RIT2: variants seen among roughly 807,000 people sequenced by gnomAD.
RIT2 encodes GTP-binding protein Rit2.
Under a neutral mutation model 23.7 loss-of-function variants are expected in RIT2, and 24 were observed. That is an observed-to-expected ratio of 1.01 (90% CI 0.73 to 1.43). The LOEUF (loss-of-function observed/expected upper bound fraction) is 1.43, where lower values mean the gene tolerates loss of function less well. Among genes scored for constraint, RIT2 ranks in the 40% most tolerant of loss-of-function variants. The pLI, the probability that RIT2 is intolerant of heterozygous loss-of-function variation, is 0.00. For missense variants in RIT2, 236 were observed against 266.9 expected (o/e 0.88, Z 0.81); for synonymous variants, 107 against 91.1 (o/e 1.17, Z -0.99).
At chr18:42,981,636 T>C (rs1222976786) in intron 2 of RIT2, among the ~76,000 whole-genome samples, 1 of 151,532 alleles carries the variant, frequency 6.6e-6, no homozygotes, top group Non-Finnish European at 1.5e-5. Context: ...TCCTGGAAGA[T>C]CAAAATTCCA....
At chr18:42,919,155 T>C (rs1908989865) in intron 4 of RIT2, among the ~76,000 whole-genome samples, 1 of 152,178 alleles carries the variant, frequency 6.6e-6, no homozygotes, top group Non-Finnish European at 1.5e-5. Context: ...AGATGCTTGA[T>C]AGAACTCTAA....
chr18:43,036,859 A>T (rs1487047640), intron 1 of RIT2, among the ~76,000 whole-genome samples: 2 of 152,210 alleles, frequency 1.3e-5, no homozygotes, highest in African/African-American at 4.8e-5. Context: ...ATTTATAAAA[A>T]ACAATTTTTG....
intron 3 of RIT2, among the ~76,000 whole-genome samples, chr18:42,935,846 C>A (rs1404877112): frequency 6.6e-6 from 1 of 151,928 alleles, no homozygotes; most frequent in African/African-American, 2.4e-5. Flanking sequence ...GTTTAAGTGC[C>A]CCATTTTGAG....
At chr18:42,920,910 G>C (rs1320065975) in intron 4 of RIT2, 6 of 572,912 alleles carry the variant, frequency 1.0e-5, no homozygotes, top group African/African-American at 5.7e-5. Flanking sequence ...AACCATCCAG[G>C]TGTCAGCATC....
chr18:43,039,839 C>G (rs559101183), intron 1 of RIT2, among the ~76,000 whole-genome samples: 141 of 152,244 alleles, frequency 9.3e-4, no homozygotes, highest in African/African-American at 3.0e-3. Context: ...ATGGAGCCCA[C>G]AAAATTCTTG....
chr18:43,097,741 C>A (rs1024539175), intron 1 of RIT2, among the ~76,000 whole-genome samples: 1 of 151,934 alleles, frequency 6.6e-6, no homozygotes, highest in African/African-American at 2.4e-5. Flanking sequence ...CTTTTAAAGA[C>A]CTGAAAAGTG....
At chr18:43,047,236 T>C (rs1475995561) in intron 1 of RIT2, among the ~76,000 whole-genome samples, 1 of 152,102 alleles carries the variant, frequency 6.6e-6, no homozygotes, top group Non-Finnish European at 1.5e-5. Context: ...CTTATAATCT[T>C]CCGCTTTTTC....
chr18:43,014,888 G>A (rs528260610), intron 2 of RIT2, among the ~76,000 whole-genome samples: 14 of 151,746 alleles, frequency 9.2e-5, no homozygotes, highest in African/African-American at 3.4e-4. Flanking sequence ...ATATAGCCAT[G>A]TACAATAACA....
intron 4 of RIT2, among the ~76,000 whole-genome samples, chr18:42,907,601 C>T (rs1908655979): frequency 1.3e-5 from 2 of 151,900 alleles, no homozygotes; most frequent in African/African-American, 4.8e-5. Context: ...TCACTGGTAC[C>T]AAAAACCAGA....
intron 3 of RIT2, among the ~76,000 whole-genome samples, chr18:42,924,856 A>C (rs1909142191): frequency 6.6e-6 from 1 of 152,102 alleles, no homozygotes; most frequent in Non-Finnish European, 1.5e-5. Context: ...GGGAGCATTT[A>C]TGTAGATCCA....
intron 4 of RIT2, among the ~76,000 whole-genome samples, chr18:42,903,131 G>C (rs1386811455): frequency 6.6e-6 from 1 of 151,860 alleles, no homozygotes; most frequent in Non-Finnish European, 1.5e-5. Flanking sequence ...CACCAACTAA[G>C]AAAATTATGA....
chr18:43,049,196 GAC>G (rs2144306660), intron 1 of RIT2, among the ~76,000 whole-genome samples: 1 of 152,296 alleles, frequency 6.6e-6, no homozygotes, highest in South Asian at 2.1e-4. Flanking sequence ...AAATTCCAAA[GAC>G]AGTGTGTAGT....
intron 4 of RIT2, among the ~76,000 whole-genome samples, chr18:42,799,676 T>C (rs897050128): frequency 2.0e-5 from 3 of 152,236 alleles, no homozygotes; most frequent in African/African-American, 7.2e-5. Context: ...ATCTGGATCC[T>C]GCCAAACCTT....
intron 4 of RIT2, among the ~76,000 whole-genome samples, chr18:42,831,383 T>G (rs1480419798): frequency 6.6e-6 from 1 of 152,276 alleles, no homozygotes; most frequent in Non-Finnish European, 1.5e-5. Flanking sequence ...ATTAATTTGG[T>G]TTTTTATTGC....
intron 2 of RIT2, among the ~76,000 whole-genome samples, chr18:42,997,606 T>G (rs576102401): frequency 1.3e-5 from 2 of 151,920 alleles, no homozygotes; most frequent in African/African-American, 4.8e-5. Flanking sequence ...CCATATGTGT[T>G]GTCACAGATT....
intron 4 of RIT2, among the ~76,000 whole-genome samples, chr18:42,842,956 C>T (rs1386515931): frequency 6.6e-6 from 1 of 152,134 alleles, no homozygotes; most frequent in African/African-American, 2.4e-5. Flanking sequence ...GTGATTTTAT[C>T]AGATTCCTAT....
intron 4 of RIT2, among the ~76,000 whole-genome samples, chr18:42,880,389 T>G (rs941225978): frequency 5.1e-4 from 78 of 152,236 alleles, no homozygotes; most frequent in African/African-American, 1.9e-3. Context: ...CCCCTTACTA[T>G]TGCTTTAATG....
At chr18:42,833,678 T>G (rs1303317514) in intron 4 of RIT2, among the ~76,000 whole-genome samples, 1 of 152,178 alleles carries the variant, frequency 6.6e-6, no homozygotes, top group Non-Finnish European at 1.5e-5. Flanking sequence ...TCCCAAGTTA[T>G]CTCAATTTCT....
At chr18:42,992,537 C>T (rs937284189) in intron 2 of RIT2, among the ~76,000 whole-genome samples, 13 of 152,046 alleles carry the variant, frequency 8.6e-5, no homozygotes, top group African/African-American at 2.9e-4. Flanking sequence ...TGACCTCTCT[C>T]TTCCTACCCA....
Sources: gnomAD v4.1 joint callset for allele counts (sites outside exome capture counted in the v4.1 genomes callset) on GRCh38, gnomAD v4.1.1 for gene constraint, MANE v1.5 for transcripts, NCBI Gene and HGNC (gene_info 2026-07-23, HGNC 2026-07-21) for gene names.